CAMSAP2: variants seen among roughly 807,000 people sequenced by gnomAD.
The protein encoded by CAMSAP2 is calmodulin regulated spectrin associated protein family member 2, also known as calmodulin-regulated spectrin-associated protein 2.
In CAMSAP2, 26 loss-of-function variants were observed where a neutral mutation model predicts 146.1. That is an observed-to-expected ratio of 0.18 (90% CI 0.13 to 0.25). The LOEUF is 0.25. CAMSAP2 is among the 10% of genes least tolerant of loss of function. The pLI is 1.00. For synonymous variants in CAMSAP2, 499 were observed against 596.6 expected, an observed-to-expected ratio of 0.84 and a Z score of 2.38; for missense variants, 1,381 against 1,759.3, an observed-to-expected ratio of 0.78 and a Z score of 3.85.
At chr1:200,773,421 T>C (rs1366502381) in intron 2 of CAMSAP2, among the ~76,000 whole-genome samples, 2 of 150,014 alleles carry the variant, frequency 1.3e-5, no homozygotes, top group Non-Finnish European at 2.9e-5. Flanking sequence ...GCCTGGCTAG[T>C]TTTTTTTGTA....
intron 1 of CAMSAP2, among the ~76,000 whole-genome samples, chr1:200,746,801 G>C (rs1664342481): frequency 6.6e-6 from 1 of 151,940 alleles, no homozygotes; most frequent in Non-Finnish European, 1.5e-5. Context: ...TGTATTTTTA[G>C]TAGAGACGGG....
At chr1:200,751,093 G>C (rs1664493475) in intron 1 of CAMSAP2, among the ~76,000 whole-genome samples, 1 of 151,122 alleles carries the variant, frequency 6.6e-6, no homozygotes. Context: ...AGTAGAGATA[G>C]GGTTTCACCA....
intron 2 of CAMSAP2, among the ~76,000 whole-genome samples, chr1:200,773,430 T>C (rs1041742688): frequency 6.6e-6 from 1 of 152,056 alleles, no homozygotes; most frequent in African/African-American, 2.4e-5. Flanking sequence ...GTTTTTTTTG[T>C]ATTTTTAGTA....
chr1:200,793,789 AAAC>A, intron 2 of CAMSAP2, among the ~76,000 whole-genome samples: 1 of 152,232 alleles, frequency 6.6e-6, no homozygotes, highest in African/African-American at 2.4e-5. Flanking sequence ...CTGGACTCAC[AAAC>A]GTTGTTTAAT....
intron 4 of CAMSAP2, among the ~76,000 whole-genome samples, chr1:200,815,854 T>C (rs1666468519): frequency 6.6e-6 from 1 of 152,220 alleles, no homozygotes; most frequent in Admixed American, 6.5e-5. Flanking sequence ...AATATATTAA[T>C]GACTAGAACT....
chr1:200,795,193 T>C (rs1665853790), intron 2 of CAMSAP2, among the ~76,000 whole-genome samples: 1 of 152,182 alleles, frequency 6.6e-6, no homozygotes, highest in Non-Finnish European at 1.5e-5. Context: ...TTAATATTAT[T>C]TAAATAATCC....
chr1:200,856,500 A>G (rs531002436), intron 15 of CAMSAP2, among the ~76,000 whole-genome samples: 1 of 152,354 alleles, frequency 6.6e-6, no homozygotes, highest in East Asian at 1.9e-4. Flanking sequence ...GCTCTAAAAG[A>G]TAAGAATGCA....
chr1:200,743,182 C>G (rs1664226232), intron 1 of CAMSAP2, among the ~76,000 whole-genome samples: 1 of 152,150 alleles, frequency 6.6e-6, no homozygotes. Context: ...GTTCTGTTCT[C>G]TTAAATCCTT....
At position 200,834,010 on chromosome 1, in the gene CAMSAP2, GTAT is replaced by G. The variant is rs553094600; in HGVS notation, c.927+1170_927+1172del. 1.0e-3 allele frequency among the ~76,000 whole-genome samples: 156 copies of G among 152,226 alleles called. 3 individuals carry two copies. The South Asian group carries it at 0.031, about 30-fold the overall frequency. ...AAAATAATAAAATTTCACATGGGTA[GTAT>G]TATTTTCTTAATTTTAAGTTGAATA... On this transcript the variant is annotated intron_variant, in intron 6 of 16. Coordinates refer to ENST00000358823, the MANE Select transcript of CAMSAP2 (RefSeq NM_203459.4).
intron 2 of CAMSAP2, among the ~76,000 whole-genome samples, chr1:200,804,106 T>G (rs1666108794): frequency 6.6e-6 from 1 of 152,058 alleles, no homozygotes. Flanking sequence ...TTTTGTATTT[T>G]TAGTAGAGAC....
intron 2 of CAMSAP2, among the ~76,000 whole-genome samples, chr1:200,777,910 G>A (rs1458598159): frequency 1.3e-5 from 2 of 152,116 alleles, no homozygotes; most frequent in Non-Finnish European, 2.9e-5. Flanking sequence ...ACTGCACCCA[G>A]CCCAGGTTAC....
chr1:200,815,687 T>A, intron 4 of CAMSAP2, 43 bp downstream of exon 4: 1 of 969,628 alleles, frequency 1.0e-6, no homozygotes, highest in Non-Finnish European at 1.5e-6. Context: ...TGAGACTGTA[T>A]ATATGTTCAC....
At chr1:200,850,274 G>C in intron 11 of CAMSAP2, 40 bp downstream of exon 11, 1 of 1,499,580 alleles carries the variant, frequency 6.7e-7, no homozygotes, top group Admixed American at 2.3e-5. Flanking sequence ...ATCTTCATTA[G>C]ATGAGTGTGG....
At chr1:200,825,775 G>A (rs974971695) in intron 4 of CAMSAP2, among the ~76,000 whole-genome samples, 2 of 152,090 alleles carry the variant, frequency 1.3e-5, no homozygotes, top group African/African-American at 4.8e-5. Flanking sequence ...CAAAGTGCTG[G>A]GATTACAGGT....
intron 2 of CAMSAP2, among the ~76,000 whole-genome samples, chr1:200,804,631 A>C (rs1486057002): frequency 6.6e-6 from 1 of 152,196 alleles, no homozygotes; most frequent in Non-Finnish European, 1.5e-5. Flanking sequence ...GTCTAGGAAC[A>C]AAAGTGAAAA....
At chr1:200,823,665 A>C (rs1228976403) in intron 4 of CAMSAP2, among the ~76,000 whole-genome samples, 9 of 152,194 alleles carry the variant, frequency 5.9e-5, no homozygotes, top group Admixed American at 5.9e-4. Context: ...CACTAGTGAT[A>C]TTAACCATGA....
chr1:200,818,532 A>G (rs1666666787), intron 4 of CAMSAP2, among the ~76,000 whole-genome samples: 1 of 152,122 alleles, frequency 6.6e-6, no homozygotes, highest in African/African-American at 2.4e-5. Context: ...AATGAATTTT[A>G]TCCTTTTCCC....
At chr1:200,744,980 T>TAA (rs758766397) in intron 1 of CAMSAP2, among the ~76,000 whole-genome samples, 3 of 148,424 alleles carry the variant, frequency 2.0e-5, no homozygotes, top group East Asian at 2.0e-4. Context: ...CACATTGGAT[T>TAA]AAAAAAAAAA....
rs183387065 is a variant in CAMSAP2, at chr1:200,753,841, C to G, written c.140-6998C>G. On this transcript the variant is annotated intron_variant, in intron 1 of 16. Coordinates refer to ENST00000358823, the MANE Select transcript of CAMSAP2 (RefSeq NM_203459.4). ...CCACGACCACCAGTTGTCTCTCTGT[C>G]AGCAGATGTGCCGTGTTGCCTCTCT... is the stretch of plus-strand genomic sequence containing the variant. 7.3e-3 allele frequency among the ~76,000 whole-genome samples: 1,117 copies of G among 152,320 alleles called. 7 individuals carry two copies. The highest frequency in any genetic ancestry group is 8.5e-3 in the Non-Finnish European group (579 of 68,028).
Sources: gnomAD v4.1 joint callset for allele counts (sites outside exome capture counted in the v4.1 genomes callset) on GRCh38, gnomAD v4.1.1 for gene constraint, MANE v1.5 for transcripts, NCBI Gene and HGNC (gene_info 2026-07-23, HGNC 2026-07-21) for gene names.